DUXB: variants seen among roughly 807,000 people sequenced by gnomAD.
DUXB encodes double homeobox B, also known as double homeobox protein B.
A neutral mutation model predicts 8.9 loss-of-function variants in DUXB; 22 were observed. That is an observed-to-expected ratio of 2.46 (90% confidence interval 1.76 to 3.52). The LOEUF (loss-of-function observed/expected upper bound fraction) is 3.52. DUXB is among the 30% of genes most tolerant of loss of function. The pLI is 0.00. For missense variants in DUXB, 237 were observed against 108.7 expected (o/e 2.18, Z -5.25); for synonymous variants, 84 against 37.6 (o/e 2.23, Z -4.52).
At chr16:75,697,183 A>T (rs1380998509) in intron 2 of DUXB, among the ~76,000 whole-genome samples, 1 of 152,134 alleles carries the variant, frequency 6.6e-6, no homozygotes, top group Non-Finnish European at 1.5e-5. Context: ...TGGCATCCAG[A>T]GTAAATTTGT....
In DUXB at chr16:75,698,236, G is replaced by A. The variant is rs181251745; in HGVS notation, c.181-1293C>T. On this transcript the variant is annotated intron_variant, in intron 2 of 4. Coordinates refer to ENST00000633875, the MANE Select transcript of DUXB (RefSeq NM_001351307.2). Reference sequence around the variant, plus strand: ...AAGTGGGACTGGTACCTCTCTCAAAGCCAATTACCAGTATTCCCATAGAAT... The same window carrying A: ...AAGTGGGACTGGTACCTCTCTCAAAACCAATTACCAGTATTCCCATAGAAT... Among the ~76,000 whole-genome samples the A allele has an allele frequency of 1.1e-3, 162 of 152,258 alleles. 1 individual carries two copies. The highest frequency in any genetic ancestry group is 3.7e-3 in the African/African-American group (153 of 41,558).
At chr16:75,701,283 AC>A (rs780490795) in intron 1 of DUXB, 110 bp downstream of exon 1, 12 of 398,004 alleles carry the variant, frequency 3.0e-5, no homozygotes, top group Non-Finnish European at 5.3e-5. Flanking sequence ...CTGCTGCTCT[AC>A]CAGTCTGTAC....
chr16:75,701,120 T>A (rs1005614622), intron 1 of DUXB, among the ~76,000 whole-genome samples: 3 of 152,202 alleles, frequency 2.0e-5, no homozygotes, highest in Admixed American at 6.5e-5. Context: ...AGACAGTTCA[T>A]ACATTCTCCC....
In DUXB at chr16:75,694,627, T is replaced by C. The variant is rs1055517400; in HGVS notation, c.442-102A>G. The C allele has an allele frequency of 2.0e-5, 13 of 658,280 alleles. No homozygotes were observed. The Middle Eastern group carries it at 1.9e-3, about 96-fold the overall frequency. The allele number at this position is 658,280 out of a possible 1,614,324, so 40.8% of individuals were successfully genotyped here. ...AAGGAGCTATTAACCTAAGGACAAA[T>C]CACAGGGTGATTTTATAGAGTTGGC... On this transcript the variant is annotated intron_variant, in intron 4 of 4. Coordinates refer to ENST00000633875, the MANE Select transcript of DUXB (RefSeq NM_001351307.2).
At chr16:75,695,132 T>C (rs567527276) in intron 4 of DUXB, among the ~76,000 whole-genome samples, 1 of 152,368 alleles carries the variant, frequency 6.6e-6, no homozygotes, top group East Asian at 1.9e-4. Context: ...GTGTAATGTG[T>C]ATGTTTGTAT....
chr16:75,695,105 T>C (rs2082594942), intron 4 of DUXB, among the ~76,000 whole-genome samples: 1 of 152,106 alleles, frequency 6.6e-6, no homozygotes, highest in Non-Finnish European at 1.5e-5. Context: ...CATGTGTTCA[T>C]GTGTGTATAT....
At chr16:75,696,497 G>T (rs2082608469) in intron 3 of DUXB, among the ~76,000 whole-genome samples, 1 of 152,178 alleles carries the variant, frequency 6.6e-6, no homozygotes, top group Non-Finnish European at 1.5e-5. Flanking sequence ...GTTGCAGTGA[G>T]CTGAGATCAG....
Position 75,700,072 on chromosome 16 carries a change from A to T in DUXB, c.123T>A (p.Asp41Glu), listed in dbSNP as rs769429648. ...QSWFQHDPFPDKAAREQLAKE... is the reference protein window; with the variant it reads ...QSWFQHDPFPEKAAREQLAKE... ...TGGCCAGTTGTTCTCTGGCAGCTTT[A>T]TCAGGGAAAGGGTCATGTTGAAACC... The change falls in exon 2 of 5, where the codon GAT becomes GAA. Residue 41 changes from aspartate (D) to glutamate (E), a missense_variant. Asp to Glu is a conservative substitution (Grantham distance 45). Coordinates refer to ENST00000633875, the MANE Select transcript of DUXB (RefSeq NM_001351307.2). 16 of 702,520 alleles carry T rather than the reference A, an allele frequency of 2.3e-5. No homozygotes were observed. Among genetic ancestry groups the T allele is most frequent in the South Asian group, 2.1e-4 (14 of 67,468 alleles). The allele number at this position is 702,520 out of a possible 1,614,324, so 43.5% of individuals were successfully genotyped here.
chr16:75,697,841 T>C (rs1411954059), intron 2 of DUXB, among the ~76,000 whole-genome samples: 1 of 152,176 alleles, frequency 6.6e-6, no homozygotes, highest in Non-Finnish European at 1.5e-5. Flanking sequence ...TAGATTGTCA[T>C]AGGAGCACAA....
rs185855003 is a variant in DUXB, at chr16:75,701,270, C to G, written c.25+124G>C. 393 of 397,612 alleles carry G rather than the reference C, an allele frequency of 9.9e-4. 3 individuals are homozygous for G. Among genetic ancestry groups the G allele is most frequent in the East Asian group, 7.4e-3 (208 of 28,030 alleles). The allele number at this position is 397,612 out of a possible 1,614,324, so 24.6% of individuals were successfully genotyped here. ...TCTGACACAATTTATCAGCGAAAAA[C>G]AGCTGCTGCTCTACCAGTCTGTACC... On this transcript the variant is annotated intron_variant, in intron 1 of 4. Coordinates refer to ENST00000633875, the MANE Select transcript of DUXB (RefSeq NM_001351307.2).
chr16:75,696,134 G>A lies in DUXB; in HGVS notation c.287-19C>T, dbSNP rs1352960109. 3.1e-6 allele frequency: 2 copies of A among 639,316 alleles called. No individual in the cohort carries two copies. Among genetic ancestry groups the A allele is most frequent in the African/African-American group, 8.1e-5 (2 of 24,644 alleles). The allele number at this position is 639,316 out of a possible 1,614,324, so 39.6% of individuals were successfully genotyped here. On this transcript the variant is annotated intron_variant, in intron 3 of 4. Coordinates refer to ENST00000633875, the MANE Select transcript of DUXB (RefSeq NM_001351307.2). ...AAGTATTCTAAAGGAGAACACAGAAGCTGTTGGGGAATTTTCATATTCAAA... is the reference window on the plus strand; with the variant it reads ...AAGTATTCTAAAGGAGAACACAGAAACTGTTGGGGAATTTTCATATTCAAA...
Position 75,700,013 on chromosome 16 carries a change from A to T in DUXB, c.180+2T>A. ...GTAATGAAGTAGAAATCTAATGCCT[A>T]CCTGAATATTAGATTCTGGAACCCC... On this transcript the variant is annotated splice_donor_variant, in intron 2 of 4. Transcript: ENST00000633875. LOFTEE classifies it high-confidence loss of function. 1.4e-6 allele frequency: 1 copy of T among 697,312 alleles called. No homozygotes were observed. The highest frequency in any genetic ancestry group is 2.6e-6 in the Non-Finnish European group (1 of 383,056). The allele number at this position is 697,312 out of a possible 1,614,324, so 43.2% of individuals were successfully genotyped here. A position where few individuals can be genotyped will look rare whatever the true frequency, so the allele number is the denominator to read the frequency against.
chr16:75,699,194 T>C (rs1224342365), intron 2 of DUXB, among the ~76,000 whole-genome samples: 2 of 152,204 alleles, frequency 1.3e-5, no homozygotes, highest in African/African-American at 4.8e-5. Flanking sequence ...TTTCATTTTA[T>C]GTCAGTTATT....
chr16:75,697,240 C>T (rs2082615615), intron 2 of DUXB, among the ~76,000 whole-genome samples: 1 of 152,154 alleles, frequency 6.6e-6, no homozygotes, highest in South Asian at 2.1e-4. Flanking sequence ...CGCTCTCTGT[C>T]TCTCTCTTTC....
intron 3 of DUXB, 54 bp from the exon 4 acceptor site, chr16:75,696,169 C>A: frequency 4.3e-6 from 3 of 694,354 alleles, no homozygotes; most frequent in East Asian, 5.4e-5. Flanking sequence ...ACCAGAAAAA[C>A]AAACCCATGA....
intron 2 of DUXB, among the ~76,000 whole-genome samples, chr16:75,698,296 C>A (rs1205163667): frequency 6.6e-6 from 1 of 152,140 alleles, no homozygotes; most frequent in African/African-American, 2.4e-5. Flanking sequence ...TAATCCTTGC[C>A]TCTCACATCC....
At chr16:75,699,646 C>A (rs1959199887) in intron 2 of DUXB, among the ~76,000 whole-genome samples, 2 of 150,318 alleles carry the variant, frequency 1.3e-5, no homozygotes, top group Admixed American at 1.3e-4. Context: ...TGCAAGCTCC[C>A]CTCCCGGGTT....
chr16:75,697,785 G>A (rs1279189909), intron 2 of DUXB, among the ~76,000 whole-genome samples: 2 of 152,198 alleles, frequency 1.3e-5, no homozygotes, highest in African/African-American at 2.4e-5. Flanking sequence ...GGGCCAGTGA[G>A]CATTACCTGC....
At chr16:75,694,738 C>A (rs2082591873) in intron 4 of DUXB, among the ~76,000 whole-genome samples, 1 of 152,042 alleles carries the variant, frequency 6.6e-6, no homozygotes, top group Admixed American at 6.6e-5. Context: ...AATAAAAAAA[C>A]AATGCAACAA....
Sources: allele counts gnomAD v4.1 joint callset (sites outside exome capture counted in the v4.1 genomes callset), GRCh38; gene constraint gnomAD v4.1.1; transcripts MANE v1.5; gene names NCBI Gene and HGNC (gene_info 2026-07-23, HGNC 2026-07-21).